CDK14: variants seen among roughly 807,000 people sequenced by gnomAD.
The protein encoded by CDK14 is cyclin-dependent kinase 14.
CDK14 carries 34 observed loss-of-function variants against 60.7 expected under a neutral mutation model. That is an observed-to-expected ratio of 0.56 (90% confidence interval 0.43 to 0.75). The LOEUF (loss-of-function observed/expected upper bound fraction) is 0.75, where lower values mean the gene tolerates loss of function less well. Among genes scored for constraint, CDK14 ranks in the 30% least tolerant of loss-of-function variants. The probability of loss-of-function intolerance (pLI) is 0.00; values close to 1 mark genes in which losing one functional copy is unlikely to be tolerated. For missense variants in CDK14, 482 were observed against 564.1 expected (o/e 0.85, Z 1.47); for synonymous variants, 197 against 203.7 (o/e 0.97, Z 0.28).
chr7:91,071,050 C>T lies in CDK14; in HGVS notation c.1106-8382C>T, dbSNP rs181271604. Among the ~76,000 whole-genome samples, 160 of 152,150 alleles carry T rather than the reference C, an allele frequency of 1.1e-3. 1 individual carries two copies. The highest frequency in any genetic ancestry group is 2.9e-3 in the Admixed American group (44 of 15,290). ...GAATCCTGGCATAATTGTCTGTCCT[C>T]CTTGAACAAAGAAAATGTCATACCA... On this transcript the variant is annotated intron_variant, in intron 11 of 14. Coordinates refer to ENST00000380050, the MANE Select transcript of CDK14 (RefSeq NM_001287135.2).
At chr7:91,009,971 G>A (rs1316246523) in intron 10 of CDK14, among the ~76,000 whole-genome samples, 4 of 152,068 alleles carry the variant, frequency 2.6e-5, no homozygotes, top group African/African-American at 9.7e-5. Flanking sequence ...GCCAGGGACA[G>A]ATTAAAATTC....
At chr7:91,115,246 A>T (rs1451704826) in intron 13 of CDK14, among the ~76,000 whole-genome samples, 1 of 152,170 alleles carries the variant, frequency 6.6e-6, no homozygotes, top group African/African-American at 2.4e-5. Context: ...GGGTGGCTTA[A>T]ACAGCAGACA....
chr7:90,855,030 C>T (rs1337847856), intron 5 of CDK14, among the ~76,000 whole-genome samples: 2 of 152,096 alleles, frequency 1.3e-5, no homozygotes, highest in African/African-American at 4.8e-5. Flanking sequence ...CAAATAGGAC[C>T]AAGATTAACT....
At chr7:90,680,578 C>T (rs1039969990) in intron 2 of CDK14, among the ~76,000 whole-genome samples, 12 of 152,138 alleles carry the variant, frequency 7.9e-5, no homozygotes, top group Admixed American at 3.3e-4. Context: ...TTGGAAAAAT[C>T]TATTGGGTGA....
intron 10 of CDK14, among the ~76,000 whole-genome samples, chr7:90,984,463 G>A (rs1279668626): frequency 6.6e-6 from 1 of 152,178 alleles, no homozygotes; most frequent in Non-Finnish European, 1.5e-5. Context: ...AAGGAATGGG[G>A]TGGGAGAGGC....
intron 14 of CDK14, among the ~76,000 whole-genome samples, chr7:91,154,896 G>C (rs184633254): frequency 3.0e-4 from 46 of 152,266 alleles, no homozygotes; most frequent in African/African-American, 1.1e-3. Context: ...AAAGAAGGGA[G>C]ATAAGTGAAA....
chr7:90,691,667 A>T (rs1346924764), intron 2 of CDK14, among the ~76,000 whole-genome samples: 2 of 152,164 alleles, frequency 1.3e-5, no homozygotes, highest in Non-Finnish European at 2.9e-5. Context: ...TTTTTCAGCT[A>T]TTCTGAGAAG....
chr7:90,951,999 A>T (rs1794276849), intron 8 of CDK14, among the ~76,000 whole-genome samples: 1 of 152,160 alleles, frequency 6.6e-6, no homozygotes, highest in Non-Finnish European at 1.5e-5. Context: ...TTGAGAAAGC[A>T]CTGGTTTGAG....
At chr7:91,173,411 GAGTA>G (rs1384789934) in intron 14 of CDK14, among the ~76,000 whole-genome samples, 1 of 149,990 alleles carries the variant, frequency 6.7e-6, no homozygotes, top group Non-Finnish European at 1.5e-5. Context: ...CTGGGCAAAA[GAGTA>G]AGACTGCATC....
intron 4 of CDK14, 113 bp downstream of exon 4, chr7:90,747,888 T>C: frequency 2.6e-5 from 8 of 305,612 alleles, no homozygotes; most frequent in Non-Finnish European, 3.4e-5. Flanking sequence ...TTTTCCTCCC[T>C]CACGGTATCC....
chr7:91,047,499 A>G (rs779453663), intron 11 of CDK14, among the ~76,000 whole-genome samples: 2 of 152,334 alleles, frequency 1.3e-5, no homozygotes, highest in South Asian at 2.1e-4. Context: ...TTCATTGTAC[A>G]TATGTGGTGT....
chr7:90,906,947 C>T (rs1792727502), intron 7 of CDK14, among the ~76,000 whole-genome samples: 1 of 152,064 alleles, frequency 6.6e-6, no homozygotes, highest in African/African-American at 2.4e-5. Context: ...CACTTTGCTA[C>T]TTTAATTGCT....
At chr7:90,709,294 G>T in intron 2 of CDK14, 1 of 653,120 alleles carries the variant, frequency 1.5e-6, no homozygotes, top group Non-Finnish European at 2.3e-6. Flanking sequence ...GCTGAAACTT[G>T]GCCTTCTATA....
chr7:90,919,655 T>C (rs1793187045), intron 8 of CDK14, among the ~76,000 whole-genome samples: 1 of 152,224 alleles, frequency 6.6e-6, no homozygotes, highest in African/African-American at 2.4e-5. Context: ...TATACTATTT[T>C]GTAAGCATTT....
chr7:90,650,250 T>G (rs989000064), intron 2 of CDK14, among the ~76,000 whole-genome samples: 19 of 152,240 alleles, frequency 1.2e-4, no homozygotes, highest in African/African-American at 4.6e-4. Flanking sequence ...GGCTGCATAA[T>G]GTCTTCTTTT....
At chr7:90,616,318 AAG>A (rs1367015267) in intron 2 of CDK14, among the ~76,000 whole-genome samples, 1 of 152,184 alleles carries the variant, frequency 6.6e-6, no homozygotes, top group African/African-American at 2.4e-5. Context: ...ATAGGTAAAG[AAG>A]AGAGATGTTA....
rs567188404 is a variant in CDK14, at chr7:90,974,955, C to T, written c.948-9193C>T. On this transcript the variant is annotated intron_variant, in intron 9 of 14. Coordinates refer to ENST00000380050, the MANE Select transcript of CDK14 (RefSeq NM_001287135.2). ...GGTAATGTTGCCATATCGCCATAAC[C>T]CCTATCAATCATTTGGGCTATATTT... 9.9e-5 allele frequency among the ~76,000 whole-genome samples: 15 copies of T among 152,238 alleles called. No individual in the cohort carries two copies. The South Asian group carries it at 2.9e-3, about 30-fold the overall frequency.
At chr7:90,778,898 T>TTCTTCCTTC (rs1554335055) in intron 4 of CDK14, among the ~76,000 whole-genome samples, 1 of 125,086 alleles carries the variant, frequency 8.0e-6, no homozygotes, top group African/African-American at 3.1e-5. Flanking sequence ...CTTCCTTCCT[T>TTCTTCCTTC]CTTTTCTCTC....
intron 10 of CDK14, among the ~76,000 whole-genome samples, chr7:91,029,325 TGTA>T (rs1172622754): frequency 2.6e-5 from 4 of 152,136 alleles, no homozygotes; most frequent in African/African-American, 4.8e-5. Context: ...TCATATGAAT[TGTA>T]GGATTATTTT....
Sources: gnomAD v4.1 joint callset for allele counts (sites outside exome capture counted in the v4.1 genomes callset) on GRCh38, gnomAD v4.1.1 for gene constraint, MANE v1.5 for transcripts, NCBI Gene and HGNC (gene_info 2026-07-23, HGNC 2026-07-21) for gene names.